TM9SF4: variants seen among roughly 807,000 people sequenced by gnomAD.
TM9SF4 encodes the protein dinucleotide oxidase disulfide thiol exchanger 3 superfamily member 4.
A neutral mutation model predicts 90.4 loss-of-function variants in TM9SF4; 26 were observed. The observed-to-expected ratio is 0.29, with a 90% CI of 0.21 to 0.40. The LOEUF is 0.40. TM9SF4 is among the 10% of genes least tolerant of loss of function. TM9SF4 has a pLI of 1.00. For synonymous variants in TM9SF4, 293 were observed against 315.4 expected, an observed-to-expected ratio of 0.93 and a Z score of 0.75; for missense variants, 549 against 834.8, an observed-to-expected ratio of 0.66 and a Z score of 4.22.
chr20:32,136,066 C>T lies in TM9SF4; in HGVS notation c.130-8C>T. ...TGGTCATCTTGGTTTCTGCTGGATT[C>T]CCATCAGGCTGTGAAGCTCACCAGC... On this transcript the variant is annotated splice_polypyrimidine_tract_variant and splice_region_variant and intron_variant, in intron 2 of 17. Coordinates refer to ENST00000398022, the MANE Select transcript of TM9SF4 (RefSeq NM_014742.4). The T allele has an allele frequency of 6.2e-7, 1 of 1,613,612 alleles. No individual in the cohort carries two copies. Among genetic ancestry groups the T allele is most frequent in the South Asian group, 1.1e-5 (1 of 91,048 alleles).
chr20:32,142,862 G>A (rs951074136), intron 5 of TM9SF4, 120 bp from the exon 6 acceptor site: 6 of 1,347,116 alleles, frequency 4.5e-6, no homozygotes, highest in Admixed American at 3.8e-5. Flanking sequence ...GGGGAGTGAT[G>A]AGAACAGTGT....
At chr20:32,154,991 G>A in intron 12 of TM9SF4, 112 bp from the exon 13 acceptor site, 6 of 780,326 alleles carry the variant, frequency 7.7e-6, no homozygotes, top group Non-Finnish European at 1.4e-5. Flanking sequence ...TGATGCTTGA[G>A]CAGAGTCTGA....
rs756602432 is a variant in TM9SF4 at position 32,149,804 on chromosome 20, C to T, written c.1087+38C>T. 5 of 1,608,664 alleles carry T rather than the reference C, an allele frequency of 3.1e-6. No homozygotes were observed. In the South Asian group the frequency reaches 5.5e-5, roughly 18 times the overall value. ...AGCGGGGCCGGGCATGGGGGCATGG[C>T]TTCCTCTTCCAGGTGCCTCAAGGAG... On this transcript the variant is annotated intron_variant, in intron 10 of 17. Transcript: ENST00000398022.
chr20:32,142,905 G>A (rs2046700973), intron 5 of TM9SF4, 77 bp from the exon 6 acceptor site: 6 of 1,568,366 alleles, frequency 3.8e-6, no homozygotes, highest in Middle Eastern at 1.7e-4. Flanking sequence ...GGCATGCTGG[G>A]TGAGGCAAGG....
chr20:32,164,776 G>A (rs1415157601), intron 17 of TM9SF4, among the ~76,000 whole-genome samples: 1 of 152,146 alleles, frequency 6.6e-6, no homozygotes, highest in Non-Finnish European at 1.5e-5. Context: ...CAGCATCTCT[G>A]CCCAGCCTCT....
chr20:32,133,436 T>TA (rs1450870840), intron 2 of TM9SF4, among the ~76,000 whole-genome samples: 5 of 152,188 alleles, frequency 3.3e-5, no homozygotes, highest in African/African-American at 1.2e-4. Context: ...GCCTTTGTCT[T>TA]ACTCCACCTG....
intron 13 of TM9SF4, among the ~76,000 whole-genome samples, chr20:32,156,997 G>A (rs1356371083): frequency 7.7e-6 from 1 of 129,178 alleles, no homozygotes; most frequent in Non-Finnish European, 1.5e-5. Flanking sequence ...ACCCAGGCTG[G>A]AGTGGAGTGG....
chr20:32,152,163 C>T (rs1043585542), intron 12 of TM9SF4, among the ~76,000 whole-genome samples: 2 of 152,010 alleles, frequency 1.3e-5, no homozygotes, highest in African/African-American at 4.8e-5. Flanking sequence ...AGCCACCACG[C>T]CCAGCCAACT....
At chr20:32,140,621 T>C (rs2046658724) in intron 3 of TM9SF4, among the ~76,000 whole-genome samples, 2 of 152,226 alleles carry the variant, frequency 1.3e-5, no homozygotes, top group African/African-American at 4.8e-5. Flanking sequence ...TATTTCTCAC[T>C]GTAACCCTGT....
intron 14 of TM9SF4, among the ~76,000 whole-genome samples, 180 bp from the exon 15 acceptor site, chr20:32,158,271 G>A (rs968824283): frequency 2.6e-5 from 4 of 152,148 alleles, no homozygotes; most frequent in Non-Finnish European, 5.9e-5. Flanking sequence ...TCTATAAAAT[G>A]AGGAGAATAA....
intron 1 of TM9SF4, chr20:32,109,979 G>T: frequency 7.1e-7 from 1 of 1,414,584 alleles, no homozygotes; most frequent in Non-Finnish European, 9.2e-7. Context: ...GCGCCGTTTC[G>T]GAGGAAGACC....
chr20:32,124,399 C>CT (rs1269473051), intron 1 of TM9SF4, among the ~76,000 whole-genome samples: 1 of 152,124 alleles, frequency 6.6e-6, no homozygotes, highest in Non-Finnish European at 1.5e-5. Context: ...TTGAACACCT[C>CT]TAATCGTGAC....
At position 32,165,606 on chromosome 20, in the gene TM9SF4, G is replaced by A. The variant is rs1271051659; in HGVS notation, c.*162G>A. Reference sequence around the variant, plus strand: ...GGCTGCGTGGGGGGCGGGAGGGCCTGTAGATAATCTTGCGTTTTTCGTCAT... The same window carrying A: ...GGCTGCGTGGGGGGCGGGAGGGCCTATAGATAATCTTGCGTTTTTCGTCAT... On this transcript the variant is annotated 3_prime_UTR_variant, in exon 18 of 18. Transcript: ENST00000398022. The A allele has an allele frequency of 7.6e-6, 6 of 788,834 alleles. No individual in the cohort carries two copies. Among genetic ancestry groups the A allele is most frequent in the Non-Finnish European group, 1.2e-5 (6 of 506,690 alleles). The allele number at this position is 788,834 out of a possible 1,614,324, so 48.9% of individuals were successfully genotyped here. A position where few individuals can be genotyped will look rare whatever the true frequency, so the allele number is the denominator to read the frequency against.
At chr20:32,160,949 CAAAAAAAAAAAAAA>C (rs34767421) in intron 16 of TM9SF4, 16 of 41,696 alleles carry the variant, frequency 3.8e-4, no homozygotes, top group East Asian at 1.4e-3. Context: ...GACTCCATCT[CAAAAAAAAAAAAAA>C]AAAAAAAAAA....
rs775970818 is a variant in TM9SF4, at chr20:32,157,862, G to C, written c.1398G>C (p.Leu466Phe). 2 of 1,613,980 alleles carry C rather than the reference G, an allele frequency of 1.2e-6. No homozygotes were observed. Among genetic ancestry groups the C allele is most frequent in the East Asian group, 4.5e-5 (2 of 44,892 alleles). ...WFGISLPLVY[L>F]GYYFGFRKQP... ...GGATCTCCCTGCCCCTCGTCTACTT[G>C]GGCTACTACTTCGGCTTCCGAAAGC... The change falls in exon 14 of 18, where the codon TTG (leucine) becomes TTC (phenylalanine). Residue 466 changes from leucine to phenylalanine, a missense_variant. Around this residue, in one of 2 missense-constraint regions of TM9SF4, gnomAD observed 495 missense variants for 711.7 expected, o/e 0.70. Coordinates refer to ENST00000398022, the MANE Select transcript of TM9SF4 (RefSeq NM_014742.4).
At chr20:32,160,155 C>T (rs2046993648) in intron 16 of TM9SF4, 44 bp downstream of exon 16, 6 of 1,612,916 alleles carry the variant, frequency 3.7e-6, no homozygotes, top group Non-Finnish European at 5.1e-6. Flanking sequence ...AGAACTGGAT[C>T]CAGCATTGAA....
Position 32,145,085 on chromosome 20 carries a change from TC to T in TM9SF4, c.653-5del. 1 of 1,613,788 alleles carries T rather than the reference TC, an allele frequency of 6.2e-7. No homozygotes were observed. Among genetic ancestry groups the T allele is most frequent in the Non-Finnish European group, 8.5e-7 (1 of 1,179,662 alleles). On this transcript the variant is annotated splice_polypyrimidine_tract_variant and splice_region_variant and intron_variant, in intron 6 of 17. Transcript: ENST00000398022. ...CAGGAACAGACTGAGTCTGTGTCTCTCTCAGACCTCAAAGCAGATGAGAAGA... is the reference window on the plus strand; with the variant it reads ...CAGGAACAGACTGAGTCTGTGTCTCTTCAGACCTCAAAGCAGATGAGAAGA...
chr20:32,154,905 C>A (rs1311024181), intron 12 of TM9SF4, among the ~76,000 whole-genome samples, 198 bp from the exon 13 acceptor site: 1 of 152,142 alleles, frequency 6.6e-6, no homozygotes, highest in Non-Finnish European at 1.5e-5. Flanking sequence ...CAAGAAGGGG[C>A]AGTATTAGGG....
chr20:32,121,791 G>T (rs1172946654), intron 1 of TM9SF4, among the ~76,000 whole-genome samples: 1 of 151,216 alleles, frequency 6.6e-6, no homozygotes, highest in African/African-American at 2.4e-5. Context: ...GGGCAGAGGC[G>T]CCCCTCACCT....
Sources: gnomAD v4.1 joint callset for allele counts (sites outside exome capture counted in the v4.1 genomes callset) on GRCh38, gnomAD v4.1.1 for gene constraint, gnomAD v4.1.1 regional missense constraint, MANE v1.5 for transcripts, NCBI Gene and HGNC (gene_info 2026-07-23, HGNC 2026-07-21) for gene names.